Variants in ANXA5 observed in about 807,000 individuals in gnomAD.
The protein encoded by ANXA5 is CBP-I.
A neutral mutation model predicts 48.1 loss-of-function variants in ANXA5; 40 were observed. The observed-to-expected ratio is 0.83, with a 90% CI of 0.65 to 1.08. The LOEUF is 1.08. ANXA5 is among the 50% of genes least tolerant of loss of function. ANXA5 has a pLI of 0.00. For synonymous variants in ANXA5, 113 were observed against 129.1 expected (o/e 0.88, Z 0.85); for missense variants, 357 against 376.8 (o/e 0.95, Z 0.44).
Position 121,684,419 on chromosome 4 carries a change from A to G in ANXA5, c.189+258T>C, listed in dbSNP as rs569010676. On this transcript the variant is annotated intron_variant, in intron 4 of 12. Transcript: ENST00000296511. ...TGAGTGGGAAACACAGAGGAAAAGA[A>G]GAGAGACAGTTCTCACTACAGGATC... Among the ~76,000 whole-genome samples, 17 of 152,350 alleles carry G rather than the reference A, an allele frequency of 1.1e-4. No individual in the cohort carries two copies. The East Asian group carries it at 2.7e-3, about 24-fold the overall frequency.
intron 2 of ANXA5, 143 bp downstream of exon 2, chr4:121,696,438 A>C: frequency 2.4e-5 from 18 of 735,232 alleles, no homozygotes; most frequent in East Asian, 3.6e-5. Context: ...CAAAGGGGGA[A>C]CAAGAAAAGT....
chr4:121,682,245 T>C (rs1013344915), intron 5 of ANXA5, among the ~76,000 whole-genome samples: 15 of 152,208 alleles, frequency 9.9e-5, no homozygotes, highest in African/African-American at 3.1e-4. Flanking sequence ...AAATTCTACA[T>C]CAAAGGTAAC....
At chr4:121,682,450 C>A (rs1188540953) in intron 5 of ANXA5, among the ~76,000 whole-genome samples, 1 of 151,990 alleles carries the variant, frequency 6.6e-6, no homozygotes, top group Non-Finnish European at 1.5e-5. Flanking sequence ...TATATTGAAG[C>A]CTTATTTTCT....
At chr4:121,673,481 T>C (rs1724645217) in intron 8 of ANXA5, among the ~76,000 whole-genome samples, 1 of 152,180 alleles carries the variant, frequency 6.6e-6, no homozygotes. Flanking sequence ...CAGTTGGCCT[T>C]ATACCCACAA....
intron 8 of ANXA5, 99 bp from the exon 9 acceptor site, chr4:121,672,725 G>A (rs886806194): frequency 3.1e-5 from 25 of 804,672 alleles, no homozygotes; most frequent in Middle Eastern, 2.3e-4. Context: ...TAACTCACTT[G>A]ATTCATCATC....
At chr4:121,677,865 TA>T (rs1724723372) in intron 8 of ANXA5, 28 bp downstream of exon 8, 2 of 1,579,834 alleles carry the variant, frequency 1.3e-6, no homozygotes, top group East Asian at 4.5e-5. Context: ...TACAGCATAA[TA>T]AAGTCATCAT....
rs551953772 is a variant in ANXA5, at chr4:121,669,534, T to C, written c.903+68A>G. On this transcript the variant is annotated intron_variant, in intron 12 of 12. Coordinates refer to ENST00000296511, the MANE Select transcript of ANXA5 (RefSeq NM_001154.4). ...ACACAAGAATCAGGTTCTCTTATCCTTGTCTTTCATGCAACATACCAGTCT... is the reference window on the plus strand; with the variant it reads ...ACACAAGAATCAGGTTCTCTTATCCCTGTCTTTCATGCAACATACCAGTCT... 4 of 1,583,130 alleles carry C rather than the reference T, an allele frequency of 2.5e-6. No homozygotes were observed. In the South Asian group the frequency reaches 3.4e-5, roughly 13 times the overall value.
In ANXA5 at chr4:121,688,306, A is replaced by T. The variant is rs761087403; in HGVS notation, c.10-1934T>A. ...ACTAAGGCACCCTCTATATCTGATC[A>T]ATTTCCTCATCCCCTCCCCCAACAT... On this transcript the variant is annotated intron_variant, in intron 2 of 12. Coordinates refer to ENST00000296511, the MANE Select transcript of ANXA5 (RefSeq NM_001154.4). Among the ~76,000 whole-genome samples, 49 of 152,184 alleles carry T rather than the reference A, an allele frequency of 3.2e-4. No homozygotes were observed. The Middle Eastern group carries it at 0.01, about 32-fold the overall frequency.
intron 3 of ANXA5, among the ~76,000 whole-genome samples, chr4:121,685,322 G>A (rs748813473): frequency 8.5e-5 from 13 of 152,088 alleles, no homozygotes; most frequent in South Asian, 2.1e-4. Context: ...AGATCTAGGT[G>A]TTAAATGGGG....
intron 2 of ANXA5, among the ~76,000 whole-genome samples, chr4:121,690,599 G>T (rs1278133058): frequency 6.6e-6 from 1 of 152,144 alleles, no homozygotes; most frequent in Non-Finnish European, 1.5e-5. Context: ...GCTTGATAAG[G>T]TTTGTAGGCT....
At chr4:121,693,451 T>A (rs1214876740) in intron 2 of ANXA5, among the ~76,000 whole-genome samples, 1 of 152,198 alleles carries the variant, frequency 6.6e-6, no homozygotes, top group African/African-American at 2.4e-5. Context: ...ATGAAGGTTA[T>A]ATGAATAAAA....
chr4:121,669,034 G>A (rs1724567085), intron 12 of ANXA5, among the ~76,000 whole-genome samples: 1 of 148,258 alleles, frequency 6.7e-6, no homozygotes, highest in Non-Finnish European at 1.5e-5. Context: ...TTTGCACATG[G>A]TCCACATTAA....
chr4:121,682,041 G>A (rs896984672), intron 5 of ANXA5, among the ~76,000 whole-genome samples: 1 of 152,052 alleles, frequency 6.6e-6, no homozygotes, highest in Non-Finnish European at 1.5e-5. Context: ...ACATAAATTT[G>A]TAACTTTTAA....
chr4:121,677,480 A>G (rs2306411), intron 8 of ANXA5, among the ~76,000 whole-genome samples: 31,894 of 152,126 alleles, frequency 0.21, 4,091 homozygotes, highest in Non-Finnish European at 0.29. Context: ...TAATACCAAA[A>G]TAACTTGTCA....
rs370872365 is a variant in ANXA5 at position 121,686,309 on chromosome 4, G to A, written c.73C>T (p.Arg25Trp). The change falls in exon 3 of 13, where the codon CGG becomes TGG. Residue 25 changes from arginine to tryptophan, a missense_variant. By Grantham distance (101) the Arg-to-Trp change is moderately radical. Coordinates refer to ENST00000296511, the MANE Select transcript of ANXA5 (RefSeq NM_001154.4). ...FDERADAETLRKAMKGLGTDE... is the reference protein window; with the variant it reads ...FDERADAETLWKAMKGLGTDE... Reference sequence around the variant, plus strand: ...TTACCCAAGCCTTTCATAGCCTTCCGAAGAGTTTCTGCATCAGCCCGCTCA... The same window carrying A: ...TTACCCAAGCCTTTCATAGCCTTCCAAAGAGTTTCTGCATCAGCCCGCTCA... 86 of 1,613,842 alleles carry A rather than the reference G, an allele frequency of 5.3e-5. No individual in the cohort carries two copies. The highest frequency in any genetic ancestry group is 6.1e-5 in the Non-Finnish European group (72 of 1,179,932).
Position 121,668,163 on chromosome 4 carries a change from G to A in ANXA5, c.*305C>T, listed in dbSNP as rs1010191760. 1.2e-4 allele frequency: 27 copies of A among 219,696 alleles called. No individual in the cohort carries two copies. Among genetic ancestry groups the A allele is most frequent in the African/African-American group, 5.9e-4 (26 of 43,928 alleles). 13.6% of individuals were successfully genotyped at this position (219,696 alleles called of 1,614,324 possible). ...TCATGGTTACAAATGTAATATAAAT[G>A]GAGTTTTTAAAAAAGGCTAAAAGCA... On this transcript the variant is annotated 3_prime_UTR_variant, in exon 13 of 13. Transcript: ENST00000296511.
intron 2 of ANXA5, among the ~76,000 whole-genome samples, chr4:121,689,050 C>G (rs1724938663): frequency 1.3e-5 from 2 of 152,112 alleles, no homozygotes; most frequent in Non-Finnish European, 2.9e-5. Flanking sequence ...TACCTTAATC[C>G]ATATGAAACT....
intron 6 of ANXA5, 31 bp from the exon 7 acceptor site, chr4:121,678,525 A>G (rs757880125): frequency 1.0e-5 from 16 of 1,547,766 alleles, no homozygotes; most frequent in Non-Finnish European, 1.4e-5. Context: ...ACTTATTTAC[A>G]TCTTCTTTCA....
intron 2 of ANXA5, among the ~76,000 whole-genome samples, chr4:121,694,106 G>T (rs1560590859): frequency 9.4e-4 from 42 of 44,554 alleles, no homozygotes; most frequent in Non-Finnish European, 1.8e-3. Flanking sequence ...TGTGGGCGGG[G>T]GGGAGGGGGG....
Sources: gnomAD v4.1 joint callset for allele counts (sites outside exome capture counted in the v4.1 genomes callset) on GRCh38, gnomAD v4.1.1 for gene constraint, MANE v1.5 for transcripts, NCBI Gene and HGNC (gene_info 2026-07-23, HGNC 2026-07-21) for gene names.